Variants in SCLT1 observed in about 807,000 individuals in gnomAD.
The protein encoded by SCLT1 is sodium channel and clathrin linker 1.
A neutral mutation model predicts 112.8 loss-of-function variants in SCLT1; 78 were observed. That is an observed-to-expected ratio of 0.69 (90% CI 0.58 to 0.83). The LOEUF is 0.83. Ranked by LOEUF, SCLT1 falls within the 40% of genes least tolerant of loss-of-function variation. The probability of loss-of-function intolerance (pLI) is 0.00; values close to 1 mark genes in which losing one functional copy is unlikely to be tolerated. For missense variants in SCLT1, 747 were observed against 770.4 expected, an observed-to-expected ratio of 0.97 and a Z score of 0.36; for synonymous variants, 257 against 254.7, an observed-to-expected ratio of 1.01 and a Z score of -0.09.
chr4:129,020,135 G>C (rs748482238), intron 5 of SCLT1, among the ~76,000 whole-genome samples: 3 of 152,114 alleles, frequency 2.0e-5, no homozygotes, highest in Non-Finnish European at 2.9e-5. Flanking sequence ...AGACATATAA[G>C]GTTTTATTCA....
At chr4:128,933,497 T>TCTTG (rs1736940380) in intron 18 of SCLT1, among the ~76,000 whole-genome samples, 1 of 152,130 alleles carries the variant, frequency 6.6e-6, no homozygotes. Flanking sequence ...ACCCCAGTAA[T>TCTTG]CTTGATACCT....
At chr4:129,090,636 C>G (rs181553036) in intron 1 of SCLT1, among the ~76,000 whole-genome samples, 66 of 152,278 alleles carry the variant, frequency 4.3e-4, no homozygotes, top group African/African-American at 1.4e-3. Context: ...GGCTCCAACA[C>G]TATTAAGAGA....
chr4:129,013,482 G>A (rs1181930865), intron 5 of SCLT1, among the ~76,000 whole-genome samples: 1 of 152,130 alleles, frequency 6.6e-6, no homozygotes, highest in Non-Finnish European at 1.5e-5. Context: ...CTACCTTCAG[G>A]TGCTCTTGTA....
At chr4:129,017,181 A>T (rs185075523) in intron 5 of SCLT1, among the ~76,000 whole-genome samples, 15 of 151,514 alleles carry the variant, frequency 9.9e-5, no homozygotes, top group Admixed American at 3.9e-4. Context: ...GATGAAATTT[A>T]TGTGTTTTTT....
intron 2 of SCLT1, among the ~76,000 whole-genome samples, chr4:129,068,491 C>T (rs886607743): frequency 2.0e-5 from 3 of 152,100 alleles, no homozygotes; most frequent in African/African-American, 4.8e-5. Context: ...AGCACTTTTT[C>T]ATATGTTTGT....
chr4:129,030,334 CA>C (rs1746593669), intron 5 of SCLT1, among the ~76,000 whole-genome samples: 1 of 152,142 alleles, frequency 6.6e-6, no homozygotes, highest in African/African-American at 2.4e-5. Flanking sequence ...AAATTTATAG[CA>C]CTAAATGCCC....
At chr4:129,026,798 C>T (rs560248142) in intron 5 of SCLT1, among the ~76,000 whole-genome samples, 143 of 152,032 alleles carry the variant, frequency 9.4e-4, no homozygotes, top group Non-Finnish European at 1.6e-3. Context: ...ATTGATAGAC[C>T]GCTAGCAAGA....
intron 8 of SCLT1, among the ~76,000 whole-genome samples, chr4:128,995,146 ATAAG>A (rs1742902427): frequency 6.6e-6 from 1 of 152,102 alleles, no homozygotes; most frequent in Non-Finnish European, 1.5e-5. Flanking sequence ...TAAGAACTTT[ATAAG>A]TAAGAGGTGT....
At chr4:128,920,257 A>T (rs1411940634) in intron 18 of SCLT1, among the ~76,000 whole-genome samples, 14 of 152,194 alleles carry the variant, frequency 9.2e-5, no homozygotes. Context: ...CAAATCAAGA[A>T]ATGTGATTCA....
rs143647763 is a variant in SCLT1 at position 128,955,956 on chromosome 4, G to T, written c.1146+1070C>A. 1.5e-3 allele frequency among the ~76,000 whole-genome samples: 223 copies of T among 152,288 alleles called. 1 individual carries two copies. Among genetic ancestry groups the T allele is most frequent in the African/African-American group, 5.1e-3 (213 of 41,568 alleles). On this transcript the variant is annotated intron_variant, in intron 13 of 20. Transcript: ENST00000281142. ...AATGGCAGGGAAAGGCTGGCTACAG[G>T]AAATCAACAGGAACACCTAAGGAAG...
intron 12 of SCLT1, among the ~76,000 whole-genome samples, chr4:128,958,190 G>C (rs1296057848): frequency 1.3e-5 from 2 of 151,986 alleles, no homozygotes; most frequent in African/African-American, 2.4e-5. Flanking sequence ...ATCTTCCAAA[G>C]GTACCATACA....
At chr4:128,907,901 A>C (rs938116319) in intron 18 of SCLT1, among the ~76,000 whole-genome samples, 14 of 152,198 alleles carry the variant, frequency 9.2e-5, no homozygotes, top group Non-Finnish European at 1.9e-4. Flanking sequence ...AAAACAAATA[A>C]AAGACATATG....
intron 2 of SCLT1, among the ~76,000 whole-genome samples, chr4:129,073,947 C>A (rs72926059): frequency 0.02 from 3,003 of 152,198 alleles, 86 homozygotes; most frequent in African/African-American, 0.063. Context: ...TCCATCTGAA[C>A]CACTCCCAAC....
At chr4:128,919,214 C>G (rs1735696923) in intron 18 of SCLT1, among the ~76,000 whole-genome samples, 3 of 151,622 alleles carry the variant, frequency 2.0e-5, no homozygotes, top group African/African-American at 4.8e-5. Flanking sequence ...AAAAATCATA[C>G]TAAACACACT....
chr4:129,017,432 A>G (rs989797253), intron 5 of SCLT1, among the ~76,000 whole-genome samples: 7 of 152,156 alleles, frequency 4.6e-5, no homozygotes, highest in African/African-American at 1.7e-4. Flanking sequence ...ATATATTTGT[A>G]AATAAATACA....
At chr4:128,901,700 C>T (rs1184172596) in intron 18 of SCLT1, among the ~76,000 whole-genome samples, 1 of 151,692 alleles carries the variant, frequency 6.6e-6, no homozygotes, top group Non-Finnish European at 1.5e-5. Context: ...AAAGACTGCA[C>T]CCTTGTCCCC....
At chr4:128,974,570 C>T (rs1476348441) in intron 9 of SCLT1, among the ~76,000 whole-genome samples, 1 of 152,082 alleles carries the variant, frequency 6.6e-6, no homozygotes, top group Non-Finnish European at 1.5e-5. Flanking sequence ...ACGCTAGATG[C>T]TTGCCTATGT....
chr4:128,955,693 G>A (rs775131642), intron 13 of SCLT1, among the ~76,000 whole-genome samples: 5 of 151,460 alleles, frequency 3.3e-5, no homozygotes, highest in Non-Finnish European at 7.4e-5. Context: ...GCTATCTCTG[G>A]GTATTAAACT....
intron 5 of SCLT1, chr4:129,036,720 T>C (rs1392240667): frequency 6.6e-6 from 1 of 151,838 alleles, no homozygotes; most frequent in Non-Finnish European, 1.5e-5. Context: ...AATCATGAAA[T>C]AGCCAAAGGC....
Sources: allele counts gnomAD v4.1 joint callset (sites outside exome capture counted in the v4.1 genomes callset), GRCh38; gene constraint gnomAD v4.1.1; transcripts MANE v1.5; gene names NCBI Gene and HGNC (gene_info 2026-07-23, HGNC 2026-07-21).